Variants in ZNF69 observed in about 807,000 individuals in gnomAD.
ZNF69 encodes the protein ZNF3.
ZNF69 carries 47 observed loss-of-function variants against 50.9 expected under a neutral mutation model. That is an observed-to-expected ratio of 0.92 (90% confidence interval 0.73 to 1.18). ZNF69 has a LOEUF of 1.18. Among genes scored for constraint, ZNF69 ranks in the 50% most tolerant of loss-of-function variants. ZNF69 has a pLI of 0.00. For missense variants in ZNF69, 717 were observed against 675.1 expected, an observed-to-expected ratio of 1.06 and a Z score of -0.69; for synonymous variants, 216 against 223.1, an observed-to-expected ratio of 0.97 and a Z score of 0.29.
chr19:11,948,342 G>A, the ZNF69 span: 1 of 1,613,876 alleles, frequency 6.2e-7, no homozygotes, highest in Non-Finnish European at 8.5e-7. Flanking sequence ...CTTTTACCCA[G>A]GTTCCAGATG....
chr19:11,980,095 A>T, the ZNF69 span: 3 of 982,758 alleles, frequency 3.1e-6, no homozygotes, highest in Non-Finnish European at 4.7e-6. Context: ...AAACCTTCAG[A>T]TCTACCTCAC....
chr19:11,965,020 G>C, the ZNF69 span: 1 of 631,734 alleles, frequency 1.6e-6, no homozygotes, highest in African/African-American at 1.9e-5. Flanking sequence ...GTTTATCCAG[G>C]CACAGAGTGG....
At chr19:11,969,037 A>T in the ZNF69 span, among the ~76,000 whole-genome samples, 2 of 152,216 alleles carry the variant, frequency 1.3e-5, no homozygotes, top group Non-Finnish European at 2.9e-5. Flanking sequence ...ACTCAACCCC[A>T]TGATCACATT....
downstream of ZNF69, among the ~76,000 whole-genome samples, chr19:11,907,347 G>A (rs1033394963): frequency 6.6e-6 from 1 of 152,124 alleles, no homozygotes; most frequent in Non-Finnish European, 1.5e-5. Flanking sequence ...CTCCTCGAGA[G>A]GAGCAACTCC....
the ZNF69 span, chr19:11,925,329 G>A: frequency 5.8e-3 from 9,328 of 1,600,584 alleles, 32 homozygotes; most frequent in South Asian, 8.0e-3. Flanking sequence ...TGGAACAGGC[G>A]GGAACCGGCT....
At chr19:11,957,090 AGT>A in the ZNF69 span, among the ~76,000 whole-genome samples, 69 of 138,850 alleles carry the variant, frequency 5.0e-4, 1 homozygote, top group South Asian at 6.9e-4. Flanking sequence ...GTAAGAAATA[AGT>A]TTTTTTTTTT....
chr19:11,936,261 A>G, the ZNF69 span, among the ~76,000 whole-genome samples: 1 of 152,190 alleles, frequency 6.6e-6, no homozygotes, highest in Non-Finnish European at 1.5e-5. Context: ...AGGAATCGCC[A>G]CACTGTCTTC....
chr19:11,958,653 C>G, the ZNF69 span, among the ~76,000 whole-genome samples: 11,499 of 152,182 alleles, frequency 0.076, 1,020 homozygotes, highest in African/African-American at 0.22. Flanking sequence ...GCTCACATTT[C>G]CCTCACACAC....
the ZNF69 span, among the ~76,000 whole-genome samples, chr19:11,924,274 T>C: frequency 1.3e-5 from 2 of 150,070 alleles, no homozygotes; most frequent in African/African-American, 2.5e-5. Flanking sequence ...CCACTGAAAA[T>C]ACAAAATATT....
chr19:11,893,300 G>A (rs542075874), intron 1 of ZNF69, among the ~76,000 whole-genome samples: 34 of 152,180 alleles, frequency 2.2e-4, no homozygotes, highest in African/African-American at 7.7e-4. Flanking sequence ...CATACAGTTC[G>A]GTCTCATTGT....
At chr19:11,912,994 G>A (rs1039076638) in intron 4 of ZNF69, among the ~76,000 whole-genome samples, 106 of 152,234 alleles carry the variant, frequency 7.0e-4, no homozygotes, top group African/African-American at 2.4e-3. Flanking sequence ...CCAGGAGATC[G>A]AGACCATCCT....
the ZNF69 span, chr19:11,956,698 A>T: frequency 2.5e-6 from 1 of 393,258 alleles, no homozygotes; most frequent in Non-Finnish European, 4.5e-6. Flanking sequence ...TCTACTAAAA[A>T]TACAAAAATT....
chr19:11,972,073 A>G, the ZNF69 span, among the ~76,000 whole-genome samples: 1 of 151,918 alleles, frequency 6.6e-6, no homozygotes, highest in Non-Finnish European at 1.5e-5. Flanking sequence ...AAAAAAAAAA[A>G]AAAGAAAAGA....
the ZNF69 span, chr19:11,978,665 A>G: frequency 6.2e-7 from 1 of 1,614,120 alleles, no homozygotes; most frequent in Non-Finnish European, 8.5e-7. Context: ...GAATACATGA[A>G]AGAACTCACA....
At chr19:11,945,018 A>T in the ZNF69 span, among the ~76,000 whole-genome samples, 1 of 152,198 alleles carries the variant, frequency 6.6e-6, no homozygotes, top group African/African-American at 2.4e-5. Flanking sequence ...TCTTCTTTAG[A>T]ATAAGTGGGT....
At chr19:11,903,507 A>G in intron 1 of ZNF69, 66 bp from the exon 2 acceptor site, 3 of 1,596,166 alleles carry the variant, frequency 1.9e-6, no homozygotes, top group Non-Finnish European at 2.6e-6. Context: ...CTTCTTGAGA[A>G]TAGAGTCTAG....
chr19:11,911,348 A>G (rs921075920), downstream of ZNF69, among the ~76,000 whole-genome samples: 1 of 152,248 alleles, frequency 6.6e-6, no homozygotes, highest in South Asian at 2.1e-4. Flanking sequence ...ATTATAAATC[A>G]TGCTGCTATA....
the ZNF69 span, chr19:11,949,282 T>C: frequency 1.2e-6 from 2 of 1,614,058 alleles, no homozygotes; most frequent in Admixed American, 3.3e-5. Context: ...ACCCTATGAG[T>C]GTAAGCAGTG....
the ZNF69 span, chr19:11,977,002 T>C: frequency 6.2e-7 from 1 of 1,612,080 alleles, no homozygotes; most frequent in South Asian, 1.1e-5. Flanking sequence ...GCTGTCACTC[T>C]CACCCAGCCT....
Sources: gnomAD v4.1 joint callset for allele counts (sites outside exome capture counted in the v4.1 genomes callset) on GRCh38, gnomAD v4.1.1 for gene constraint, MANE v1.5 for transcripts, NCBI Gene and HGNC (gene_info 2026-07-23, HGNC 2026-07-21) for gene names.